The following SCRIB variants were observed in gnomAD, a reference collection of about 807,000 sequenced individuals.
The protein encoded by SCRIB is scribble planar cell polarity protein, also known as protein scribble homolog.
In SCRIB, 72 loss-of-function variants were observed where a neutral mutation model predicts 170.0. The ratio of observed to expected loss-of-function variants is 0.42; its 90% confidence interval spans 0.35 to 0.52. SCRIB has a LOEUF of 0.52. Among genes scored for constraint, SCRIB ranks in the 20% least tolerant of loss-of-function variants. The pLI, the probability that SCRIB is intolerant of heterozygous loss-of-function variation, is 0.02. For missense variants in SCRIB, 2,475 were observed against 2,338.5 expected, an observed-to-expected ratio of 1.06 and a Z score of -1.20; for synonymous variants, 1,298 against 1,044.3, an observed-to-expected ratio of 1.24 and a Z score of -4.68.
At position 143,812,319 on chromosome 8, in the gene SCRIB, T is replaced by C. The variant is rs552294630; in HGVS notation, c.853A>G (p.Ile285Val). 34 of 1,613,708 alleles carry C rather than the reference T, an allele frequency of 2.1e-5. No individual in the cohort carries two copies. Among genetic ancestry groups the C allele is most frequent in the African/African-American group, 5.3e-5 (4 of 74,888 alleles). The change falls in exon 9 of 37, where the codon ATC (isoleucine) becomes GTC (valine). Residue 285 changes from isoleucine (I) to valine (V), a missense_variant. By Grantham distance (29) the Ile-to-Val change is conservative (BLOSUM62 3). Coordinates refer to ENST00000356994, the MANE Select transcript of SCRIB (RefSeq NM_182706.5). ...TCAGAGAGGTTCTCACAGTCCCCGA[T>C]GGCCTCGGTCACCTCGCACAGCCGA... ...QNRLCEVTEA[I>V]GDCENLSELI... is the part of the protein sequence containing the mutation.
Position 143,802,523 on chromosome 8 carries a change from C to T in SCRIB, c.3603+860G>A, listed in dbSNP as rs981014085. On this transcript the variant is annotated intron_variant, in intron 24 of 36. Coordinates refer to ENST00000356994, the MANE Select transcript of SCRIB (RefSeq NM_182706.5). ...CTCTGGGAGGAGCAGATGGCCCCTC[C>T]AGGTGAAGGCCCAGGCATCCACCCA... Among the ~76,000 whole-genome samples, 3 of 152,374 alleles carry T rather than the reference C, an allele frequency of 2.0e-5. 1 individual carries two copies. Among genetic ancestry groups the T allele is most frequent in the African/African-American group, 7.2e-5 (3 of 41,594 alleles).
intron 22 of SCRIB, 50 bp downstream of exon 22, chr8:143,803,996 A>G (rs1554635721): frequency 6.3e-7 from 1 of 1,575,500 alleles, no homozygotes; most frequent in Non-Finnish European, 8.6e-7. Context: ...CTGCGCTGGT[A>G]CCTGGGATGG....
At chr8:143,793,694 C>T in intron 28 of SCRIB, 1 of 538,430 alleles carries the variant, frequency 1.9e-6, no homozygotes, top group Non-Finnish European at 3.3e-6. Context: ...GGCCCCCCAC[C>T]CCATCGCCAG....
Position 143,792,375 on chromosome 8 carries a change from T to A in SCRIB, c.4359A>T (p.Gly1453=), listed in dbSNP as rs782783350. The stretch of plus-strand genomic sequence containing the variant: ...TGGCCGTCCGCACCGGGGCGCCACC[T>A]CCCAGGGGTGGGGGGGACGCCGGGC... ...RQSPASPPPL[G]GGAPVRTAKA... The change falls in exon 32 of 37, where the codon GGA becomes GGT. Residue 1453 remains glycine, a synonymous_variant. Transcript: ENST00000356994. The A allele has an allele frequency of 1.3e-6, 2 of 1,520,850 alleles. No homozygotes were observed. The highest frequency in any genetic ancestry group is 2.7e-5 in the African/African-American group (2 of 73,060). The allele number at this position is 1,520,850 out of a possible 1,614,324, so 94.2% of individuals were successfully genotyped here. A position where few individuals can be genotyped will look rare whatever the true frequency, so the allele number is the denominator to read the frequency against.
At chr8:143,793,786 C>T (rs1256264506) in intron 28 of SCRIB, 114 bp downstream of exon 28, 11 of 1,030,170 alleles carry the variant, frequency 1.1e-5, no homozygotes, top group Admixed American at 5.7e-5. Flanking sequence ...GAGTCAACAG[C>T]ACCCCACGAT....
chr8:143,807,623 AC>A lies in SCRIB; in HGVS notation c.2116-10del. ...TGGTCAAACGACACTCCCTGTTAGG[AC>A]AGGACCAGTGAGGCATGCAGGTTAG... On this transcript the variant is annotated splice_polypyrimidine_tract_variant and intron_variant, in intron 15 of 36. Coordinates refer to ENST00000356994, the MANE Select transcript of SCRIB (RefSeq NM_182706.5). 3 of 1,613,072 alleles carry A rather than the reference AC, an allele frequency of 1.9e-6. No homozygotes were observed. The South Asian group carries it at 3.3e-5, about 18-fold the overall frequency.
Position 143,795,421 on chromosome 8 carries a change from T to C in SCRIB, c.3713A>G (p.Lys1238Arg). The C allele has an allele frequency of 6.2e-7, 1 of 1,612,876 alleles. No individual in the cohort carries two copies. Among genetic ancestry groups the C allele is most frequent in the African/African-American group, 1.3e-5 (1 of 74,994 alleles). ...DRELSPEGPG[K>R]EKELPGQTLH... The stretch of plus-strand genomic sequence containing the variant: ...CTGCCGGCTGCAGGCACCTCTGACC[T>C]TGCCTGGGCCCTCAGGGCTCAGCTC... The change falls in exon 25 of 37, where the codon AAG becomes AGG. Residue 1238 changes from lysine (K) to arginine (R), a missense_variant and splice_region_variant. Physicochemically the swap from Lys to Arg is conservative, Grantham distance 26. This residue lies in a region of SCRIB where 1,966 missense variants were observed against 1,742.9 expected (regional missense o/e 1.13). Transcript: ENST00000356994.
Position 143,815,235 on chromosome 8 carries a change from G to A in SCRIB, c.138C>T (p.Asn46=). Residue 46 remains asparagine, a synonymous_variant, in exon 1 of 37, where the codon AAC becomes AAT. Coordinates refer to ENST00000356994, the MANE Select transcript of SCRIB (RefSeq NM_182706.5). Reference sequence around the variant, plus strand: ...TCACCTTGGGCAGCTCGCGCAGCTGGTTGGCGTCGAGCAGCAGCTCCTCCA... The same window carrying A: ...TCACCTTGGGCAGCTCGCGCAGCTGATTGGCGTCGAGCAGCAGCTCCTCCA... The part of the protein sequence containing the change: ...RSLEELLLDA[N]QLRELPKPFF... 2.5e-6 allele frequency: 4 copies of A among 1,592,344 alleles called. No individual in the cohort carries two copies. Among genetic ancestry groups the A allele is most frequent in the Non-Finnish European group, 3.4e-6 (4 of 1,174,488 alleles).
intron 14 of SCRIB, 143 bp from the exon 15 acceptor site, chr8:143,809,168 C>A: frequency 1.7e-6 from 2 of 1,144,226 alleles, no homozygotes; most frequent in South Asian, 3.2e-5. Flanking sequence ...CAGTGAGGGG[C>A]GCGTGTCTCA....
chr8:143,798,053 T>C (rs782273613), intron 24 of SCRIB, among the ~76,000 whole-genome samples: 1 of 152,196 alleles, frequency 6.6e-6, no homozygotes, highest in Non-Finnish European at 1.5e-5. Context: ...TCTTCTGAAA[T>C]GATTCTATAT....
At chr8:143,802,010 C>T (rs1411417204) in intron 24 of SCRIB, among the ~76,000 whole-genome samples, 5 of 152,254 alleles carry the variant, frequency 3.3e-5, no homozygotes. Flanking sequence ...CTAGCTCTTC[C>T]CTGAGGGAGC....
At chr8:143,801,255 A>T (rs1815160698) in intron 24 of SCRIB, among the ~76,000 whole-genome samples, 1 of 152,214 alleles carries the variant, frequency 6.6e-6, no homozygotes, top group Non-Finnish European at 1.5e-5. Flanking sequence ...AGGGCTGGGC[A>T]TGGGGACATG....
chr8:143,812,507 T>G (rs1815786062), intron 8 of SCRIB, 123 bp from the exon 9 acceptor site: 2 of 779,280 alleles, frequency 2.6e-6, no homozygotes, highest in South Asian at 1.5e-5. Flanking sequence ...GCCGCCGTAC[T>G]TCGGGAGGAC....
In SCRIB at chr8:143,792,968, CCA is replaced by C. The variant is rs1814770606; in HGVS notation, c.4017+6_4017+7del. 2 of 1,501,854 alleles carry C rather than the reference CCA, an allele frequency of 1.3e-6. No homozygotes were observed. Among genetic ancestry groups the C allele is most frequent in the South Asian group, 1.3e-5 (1 of 76,136 alleles). 93.0% of individuals were successfully genotyped at this position (1,501,854 alleles called of 1,614,324 possible). The stretch of plus-strand genomic sequence containing the variant: ...CGCGCAGCAGGGAGGCGTGCTGCCC[CCA>C]CACACCTGGGCAGGGGCATCCTCAG... On this transcript the variant is annotated splice_donor_region_variant and intron_variant, in intron 29 of 36. Transcript: ENST00000356994.
rs1374459408 is a variant in SCRIB, at chr8:143,795,094, G to A, written c.3790C>T (p.Leu1264=). The part of the protein sequence containing the change: ...TEAAGRGLQP[L]KLDYRALAAV... ...GCCAGGGCGCGGTAGTCCAGCTTCA[G>A]GGGCTGCAGACCCCGACCCTGGGGG... Residue 1264 remains leucine, a synonymous_variant, in exon 27 of 37, where the codon CTG becomes TTG. Coordinates refer to ENST00000356994, the MANE Select transcript of SCRIB (RefSeq NM_182706.5). 1 of 1,611,308 alleles carries A rather than the reference G, an allele frequency of 6.2e-7. No individual in the cohort carries two copies. Among genetic ancestry groups the A allele is most frequent in the Non-Finnish European group, 8.5e-7 (1 of 1,179,292 alleles).
At chr8:143,810,402 C>T in intron 13 of SCRIB, 77 bp downstream of exon 13, 6 of 1,562,488 alleles carry the variant, frequency 3.8e-6, no homozygotes, top group Non-Finnish European at 3.5e-6. Flanking sequence ...GCCCTCACAG[C>T]CCCACTCCCA....
chr8:143,813,867 A>G lies in SCRIB; in HGVS notation c.307T>C (p.Phe103Leu). 6.2e-7 allele frequency: 1 copy of G among 1,609,332 alleles called. No individual in the cohort carries two copies. Among genetic ancestry groups the G allele is most frequent in the Non-Finnish European group, 8.5e-7 (1 of 1,176,880 alleles). Residue 103 changes from phenylalanine (F) to leucine (L), a missense_variant, in exon 3 of 37, where the codon TTC becomes CTC. This residue lies in a region of SCRIB where 487 missense variants were observed against 558.1 expected (regional missense o/e 0.87). Transcript: ENST00000356994. ...TCCGCGATCTCCAGAGCCTTGCAGA[A>G]CTTGATGCTCTCCGGGATCTCAGGG... The part of the protein sequence containing the change: ...DIPEIPESIK[F>L]CKALEIADFS...
Position 143,795,480 on chromosome 8 carries a change from C to A in SCRIB, c.3654G>T (p.Arg1218=), listed in dbSNP as rs782040409. The change falls in exon 25 of 37, where the codon CGG becomes CGT. Residue 1218 remains arginine (R), a synonymous_variant. Transcript: ENST00000356994. ...TGGAAGAGATGCTCTCCAGGCTGTT[C>A]CGGTGGCCGATGCCTGCCGCAAAGG... ...ANPFAAGIGH[R]NSLESISSID... 12 of 1,613,056 alleles carry A rather than the reference C, an allele frequency of 7.4e-6. No homozygotes were observed. The highest frequency in any genetic ancestry group is 9.3e-6 in the Non-Finnish European group (11 of 1,179,804).
chr8:143,811,807 T>G (rs1203500240), intron 9 of SCRIB, among the ~76,000 whole-genome samples: 1 of 152,034 alleles, frequency 6.6e-6, no homozygotes, highest in Non-Finnish European at 1.5e-5. Flanking sequence ...GAAACTCCCA[T>G]GAACACCCTC....
Sources: gnomAD v4.1 joint callset for allele counts (sites outside exome capture counted in the v4.1 genomes callset) on GRCh38, gnomAD v4.1.1 for gene constraint, gnomAD v4.1.1 regional missense constraint, MANE v1.5 for transcripts, NCBI Gene and HGNC (gene_info 2026-07-23, HGNC 2026-07-21) for gene names.